PYHIN1: variants seen among roughly 807,000 people sequenced by gnomAD.
PYHIN1 encodes the protein pyrin and HIN domain family member 1.
In PYHIN1, 32 loss-of-function variants were observed where a neutral mutation model predicts 43.7. The ratio of observed to expected loss-of-function variants is 0.73; its 90% confidence interval spans 0.55 to 0.98. The LOEUF (loss-of-function observed/expected upper bound fraction) is 0.98. Ranked by LOEUF, PYHIN1 falls within the 50% of genes least tolerant of loss-of-function variation. PYHIN1 has a pLI of 0.00. For missense variants in PYHIN1, 588 were observed against 589.5 expected (o/e 1.00, Z 0.03); for synonymous variants, 205 against 203.1 (o/e 1.01, Z -0.08).
chr1:158,956,989 G>T (rs754814911), intron 7 of PYHIN1, among the ~76,000 whole-genome samples: 11,291 of 143,648 alleles, frequency 0.079, 666 homozygotes, highest in Non-Finnish European at 0.12. Flanking sequence ...AATCATGAGT[G>T]AACTCTCATT....
In PYHIN1 at chr1:158,939,069, A is replaced by G. The variant is rs757739408; in HGVS notation, c.412-11A>G. Reference sequence around the variant, plus strand: ...TGAAAGTAATTAACAAGAAAAATAAACTACTTGTAGAAAAGAAAAAAACCA... The same window carrying G: ...TGAAAGTAATTAACAAGAAAAATAAGCTACTTGTAGAAAAGAAAAAAACCA... On this transcript the variant is annotated splice_polypyrimidine_tract_variant and intron_variant, in intron 3 of 8. Coordinates refer to ENST00000368140, the MANE Select transcript of PYHIN1 (RefSeq NM_152501.5). 5 of 1,563,472 alleles carry G rather than the reference A, an allele frequency of 3.2e-6. No homozygotes were observed. Among genetic ancestry groups the G allele is most frequent in the African/African-American group, 1.4e-5 (1 of 72,288 alleles).
chr1:158,959,243 A>T (rs1298018048), intron 7 of PYHIN1, among the ~76,000 whole-genome samples: 1 of 147,422 alleles, frequency 6.8e-6, no homozygotes, highest in Admixed American at 6.9e-5. Context: ...CTAAGGGTCC[A>T]GGCCCCTCAA....
intron 8 of PYHIN1, among the ~76,000 whole-genome samples, chr1:158,974,688 G>T (rs1044694473): frequency 6.6e-6 from 1 of 151,946 alleles, no homozygotes; most frequent in African/African-American, 2.4e-5. Context: ...TTCTCAATTT[G>T]TGGTCGTTTT....
chr1:158,948,436 G>A (rs1649342705), intron 7 of PYHIN1, among the ~76,000 whole-genome samples: 1 of 152,154 alleles, frequency 6.6e-6, no homozygotes, highest in African/African-American at 2.4e-5. Flanking sequence ...TGATTCCATG[G>A]TAGAGAAATG....
chr1:158,952,277 G>A (rs953649455), intron 7 of PYHIN1, among the ~76,000 whole-genome samples: 1 of 151,988 alleles, frequency 6.6e-6, no homozygotes, highest in Non-Finnish European at 1.5e-5. Context: ...AGCTGGCTGC[G>A]GATTTGTGAG....
downstream of PYHIN1, among the ~76,000 whole-genome samples, chr1:158,981,990 T>C (rs996704478): frequency 6.6e-6 from 1 of 152,202 alleles, no homozygotes. Flanking sequence ...ATGAAACTGT[T>C]TGGTTTTTGC....
chr1:158,949,489 G>A (rs1273027355), intron 7 of PYHIN1, among the ~76,000 whole-genome samples: 15 of 151,556 alleles, frequency 9.9e-5, no homozygotes, highest in Non-Finnish European at 1.2e-4. Context: ...CCACTAACTC[G>A]TCATCTAGCA....
At chr1:158,967,788 C>T (rs1309955563) in intron 7 of PYHIN1, among the ~76,000 whole-genome samples, 3 of 151,978 alleles carry the variant, frequency 2.0e-5, no homozygotes, top group Admixed American at 6.6e-5. Flanking sequence ...GAAATAAGGC[C>T]GCCCACCTAC....
downstream of PYHIN1, among the ~76,000 whole-genome samples, chr1:158,981,291 G>A (rs142934534): frequency 6.5e-3 from 989 of 152,214 alleles, 10 homozygotes; most frequent in African/African-American, 0.023. Context: ...CCAACATGGT[G>A]AAACCCTGTC....
chr1:158,978,526 G>C (rs1651373993), downstream of PYHIN1, among the ~76,000 whole-genome samples: 1 of 151,970 alleles, frequency 6.6e-6, no homozygotes, highest in South Asian at 2.1e-4. Flanking sequence ...GAAAATAACT[G>C]CTTTATATGC....
In PYHIN1 at chr1:158,937,003, C is replaced by T. The variant is rs776823318; in HGVS notation, c.93C>T (p.Asn31=). Residue 31 remains asparagine (N), a synonymous_variant, in exon 2 of 9, where the codon AAC becomes AAT. Transcript: ENST00000368140. ...GAATTGTTAAGTCCTTACTGAGTAA[C>T]GATTTAAAACTTAATCCAAAAATGA... The part of the protein sequence containing the change: ...HFRIVKSLLS[N]DLKLNPKMKE... The T allele has an allele frequency of 2.4e-5, 38 of 1,613,370 alleles. No individual in the cohort carries two copies. The highest frequency in any genetic ancestry group is 1.5e-4 in the South Asian group (14 of 91,046).
intron 7 of PYHIN1, among the ~76,000 whole-genome samples, chr1:158,946,558 G>C (rs1308334079): frequency 6.7e-6 from 1 of 149,588 alleles, no homozygotes; most frequent in Non-Finnish European, 1.5e-5. Context: ...TAGATAGATA[G>C]ATAGATAGAT....
In PYHIN1 at chr1:158,946,168, C is replaced by G. The variant is rs533982902; in HGVS notation, c.1359+1126C>G. On this transcript the variant is annotated intron_variant, in intron 7 of 8. Transcript: ENST00000368140. ...AGGGCTTCTCAAAAATAATGAGGTA[C>G]CCAGAATGAACAAAGTGTACTGTCA... 2.5e-4 allele frequency among the ~76,000 whole-genome samples: 38 copies of G among 152,242 alleles called. No individual in the cohort carries two copies. The South Asian group carries it at 6.6e-3, about 27-fold the overall frequency.
At position 158,952,800 on chromosome 1, in the gene PYHIN1, C is replaced by T. The variant is rs188535571; in HGVS notation, c.1359+7758C>T. On this transcript the variant is annotated intron_variant, in intron 7 of 8. Transcript: ENST00000368140. ...TCCCGTATACAGCTCCCAGCGTAAG[C>T]GACGCAGAAGATGGGTGATTTCTGC... Among the ~76,000 whole-genome samples the T allele has an allele frequency of 2.9e-4, 44 of 152,302 alleles. 1 individual carries two copies. The highest frequency in any genetic ancestry group is 9.6e-4 in the African/African-American group (40 of 41,570).
intron 7 of PYHIN1, among the ~76,000 whole-genome samples, chr1:158,968,966 G>A (rs944763823): frequency 1.3e-5 from 2 of 151,926 alleles, no homozygotes; most frequent in African/African-American, 4.8e-5. Context: ...ATACCTGGGT[G>A]ATGAAATAAT....
chr1:158,937,522 G>C (rs1421909901), intron 2 of PYHIN1, among the ~76,000 whole-genome samples: 2 of 152,128 alleles, frequency 1.3e-5, no homozygotes, highest in African/African-American at 4.8e-5. Context: ...CAATTAATGT[G>C]TTCATTCTAT....
chr1:158,932,771 G>A (rs1212771538), intron 1 of PYHIN1, among the ~76,000 whole-genome samples: 3 of 152,120 alleles, frequency 2.0e-5, no homozygotes, highest in African/African-American at 7.2e-5. Flanking sequence ...GTGAAAGGCA[G>A]TTTTTTATTC....
At chr1:158,940,676 C>G (rs898534965) in intron 4 of PYHIN1, among the ~76,000 whole-genome samples, 2 of 152,184 alleles carry the variant, frequency 1.3e-5, no homozygotes, top group Admixed American at 1.3e-4. Context: ...AACCACACCA[C>G]CAACCTTAAT....
intron 7 of PYHIN1, among the ~76,000 whole-genome samples, chr1:158,962,415 A>C (rs1446364189): frequency 6.6e-6 from 1 of 152,006 alleles, no homozygotes; most frequent in African/African-American, 2.4e-5. Context: ...GATCCCCAAC[A>C]CACTGGAGCC....
Sources: allele counts gnomAD v4.1 joint callset (sites outside exome capture counted in the v4.1 genomes callset), GRCh38; gene constraint gnomAD v4.1.1; transcripts MANE v1.5; gene names NCBI Gene and HGNC (gene_info 2026-07-23, HGNC 2026-07-21).